IFT80: variants seen among roughly 807,000 people sequenced by gnomAD.
IFT80 encodes the protein intraflagellar transport protein 80 homolog.
A neutral mutation model predicts 107.9 loss-of-function variants in IFT80; 79 were observed. That is an observed-to-expected ratio of 0.73 (90% CI 0.61 to 0.88). The LOEUF (loss-of-function observed/expected upper bound fraction) is 0.88, where lower values mean the gene tolerates loss of function less well. Among genes scored for constraint, IFT80 ranks in the 40% least tolerant of loss-of-function variants. The pLI is 0.00. For missense variants in IFT80, 797 were observed against 914.2 expected, an observed-to-expected ratio of 0.87 and a Z score of 1.65; for synonymous variants, 299 against 300.9, an observed-to-expected ratio of 0.99 and a Z score of 0.07.
chr3:160,359,037 T>A (rs1721303820), intron 6 of IFT80, among the ~76,000 whole-genome samples: 1 of 152,204 alleles, frequency 6.6e-6, no homozygotes, highest in Admixed American at 6.5e-5. Context: ...GGTATATACT[T>A]CTGAACTGCA....
intron 5 of IFT80, among the ~76,000 whole-genome samples, chr3:160,374,042 A>C (rs1044278147): frequency 2.6e-5 from 4 of 152,180 alleles, no homozygotes; most frequent in Non-Finnish European, 5.9e-5. Flanking sequence ...TAGACTCTGG[A>C]ACATCTGAAA....
chr3:160,272,910 T>C (rs1713932368), intron 18 of IFT80, among the ~76,000 whole-genome samples: 1 of 152,206 alleles, frequency 6.6e-6, no homozygotes, highest in Non-Finnish European at 1.5e-5. Flanking sequence ...AATGTGGGCC[T>C]TCCCTGCAGC....
intron 8 of IFT80, among the ~76,000 whole-genome samples, chr3:160,328,736 A>G (rs1348540185): frequency 6.6e-6 from 1 of 152,188 alleles, no homozygotes; most frequent in East Asian, 1.9e-4. Context: ...GAATCAACCT[A>G]AATTCCTGTC....
At chr3:160,366,297 T>C in intron 5 of IFT80, 145 bp from the exon 6 acceptor site, 1 of 655,058 alleles carries the variant, frequency 1.5e-6, no homozygotes, top group Admixed American at 2.6e-5. Flanking sequence ...CAAATTAGAG[T>C]ATATAGTCTG....
At chr3:160,276,848 C>T (rs1417489451) in intron 18 of IFT80, among the ~76,000 whole-genome samples, 6 of 152,170 alleles carry the variant, frequency 3.9e-5, no homozygotes, top group African/African-American at 1.4e-4. Flanking sequence ...CACACATTCC[C>T]CAGGCAATTG....
chr3:160,271,350 T>C (rs1327948325), intron 18 of IFT80, among the ~76,000 whole-genome samples: 2 of 152,182 alleles, frequency 1.3e-5, no homozygotes, highest in Admixed American at 6.5e-5. Context: ...GGAAGTTATA[T>C]AAAAAGATGT....
At chr3:160,338,312 T>A (rs539651895) in intron 8 of IFT80, among the ~76,000 whole-genome samples, 1 of 151,996 alleles carries the variant, frequency 6.6e-6, no homozygotes, top group African/African-American at 2.4e-5. Context: ...CACAGAAAAA[T>A]TTGCCCCCAG....
chr3:160,273,394 G>GTAGAT (rs59379958), intron 18 of IFT80, among the ~76,000 whole-genome samples: 14,290 of 152,092 alleles, frequency 0.094, 887 homozygotes, highest in African/African-American at 0.17. Context: ...AAGAGACAGA[G>GTAGAT]TAGATATAGG....
chr3:160,280,485 C>T, intron 15 of IFT80, among the ~76,000 whole-genome samples, 182 bp downstream of exon 15: 1 of 152,094 alleles, frequency 6.6e-6, no homozygotes, highest in Admixed American at 6.6e-5. Flanking sequence ...TCATATCATA[C>T]CACACTTTCA....
At chr3:160,391,804 G>C (rs1343627955) in intron 1 of IFT80, among the ~76,000 whole-genome samples, 1 of 152,210 alleles carries the variant, frequency 6.6e-6, no homozygotes, top group African/African-American at 2.4e-5. Context: ...TGACCTTGTG[G>C]AAAGTCACAT....
chr3:160,365,870 C>A (rs983019352), intron 6 of IFT80, among the ~76,000 whole-genome samples, 173 bp downstream of exon 6: 4 of 151,744 alleles, frequency 2.6e-5, no homozygotes, highest in African/African-American at 9.7e-5. Context: ...GAAAACAAAC[C>A]TTGTTGGAAA....
rs1403970818 is a variant in IFT80, at chr3:160,300,970, G to C, written c.1228C>G (p.Pro410Ala). The C allele has an allele frequency of 6.2e-7, 1 of 1,609,822 alleles. No homozygotes were observed. Among genetic ancestry groups the C allele is most frequent in the African/African-American group, 1.3e-5 (1 of 74,766 alleles). Residue 410 changes from proline (P) to alanine (A), a missense_variant, in exon 12 of 20, where the codon CCT becomes GCT. Coordinates refer to ENST00000326448, the MANE Select transcript of IFT80 (RefSeq NM_020800.3). ...TTCAGAATATCTGTTCTCATTCCAG[G>C]AAATTTTGGAGATGAAATAAAGCGC... Reference protein sequence around the residue: ...EGRFISSPKFPGMRTDILNAQ... With the variant: ...EGRFISSPKFAGMRTDILNAQ...
intron 6 of IFT80, among the ~76,000 whole-genome samples, chr3:160,358,152 G>A (rs867074666): frequency 1.3e-5 from 2 of 151,516 alleles, no homozygotes; most frequent in Middle Eastern, 6.8e-3. Flanking sequence ...GGACTACAGG[G>A]ACATGCCACC....
intron 1 of IFT80, among the ~76,000 whole-genome samples, chr3:160,391,832 A>C (rs1402556175): frequency 1.3e-5 from 2 of 152,228 alleles, no homozygotes; most frequent in Non-Finnish European, 2.9e-5. Context: ...GTACCATCAA[A>C]GTTTTAAGTG....
At chr3:160,346,462 T>C (rs1720301296) in intron 8 of IFT80, among the ~76,000 whole-genome samples, 4 of 152,120 alleles carry the variant, frequency 2.6e-5, no homozygotes. Context: ...TCAGGGATGG[T>C]TTCTATTAAT....
At chr3:160,392,397 A>G (rs539156641) in intron 1 of IFT80, among the ~76,000 whole-genome samples, 1 of 152,130 alleles carries the variant, frequency 6.6e-6, no homozygotes. Flanking sequence ...CCACACTTTT[A>G]TATCTATTTG....
At chr3:160,342,032 C>T (rs1054411497) in intron 8 of IFT80, among the ~76,000 whole-genome samples, 1 of 152,166 alleles carries the variant, frequency 6.6e-6, no homozygotes, top group African/African-American at 2.4e-5. Context: ...CATACCACTG[C>T]AGTGTTGCCT....
At chr3:160,277,815 G>A in intron 16 of IFT80, 145 bp from the exon 17 acceptor site, 1 of 630,632 alleles carries the variant, frequency 1.6e-6, no homozygotes, top group East Asian at 2.8e-5. Flanking sequence ...AACTAATAAT[G>A]TGGGAATTTC....
chr3:160,341,281 C>T (rs1041312224), intron 8 of IFT80, among the ~76,000 whole-genome samples: 7 of 151,798 alleles, frequency 4.6e-5, no homozygotes, highest in African/African-American at 1.7e-4. Context: ...CAAAGTCTTA[C>T]CACTTTTTAA....
Sources: gnomAD v4.1 joint callset for allele counts (sites outside exome capture counted in the v4.1 genomes callset) on GRCh38, gnomAD v4.1.1 for gene constraint, MANE v1.5 for transcripts, NCBI Gene and HGNC (gene_info 2026-07-23, HGNC 2026-07-21) for gene names.